The following SYTL5 variants were observed in gnomAD, a reference collection of about 807,000 sequenced individuals.
SYTL5 encodes the protein synaptotagmin like 5.
SYTL5 carries 34 observed loss-of-function variants against 55.9 expected under a neutral mutation model. The ratio of observed to expected loss-of-function variants is 0.61; its 90% CI spans 0.46 to 0.81. SYTL5 has a LOEUF of 0.81. Ranked by LOEUF, SYTL5 falls within the 30% of genes least tolerant of loss-of-function variation. The pLI is 0.00. For synonymous variants in SYTL5, 221 were observed against 188.7 expected (o/e 1.17, Z -1.40); for missense variants, 637 against 546.7 (o/e 1.17, Z -1.65).
the SYTL5 span, among the ~76,000 whole-genome samples, chrX:37,913,694 C>T: frequency 0.22 from 24,801 of 111,412 alleles, 2,337 homozygotes; most frequent in African/African-American, 0.36. Flanking sequence ...TAAATAGTCC[C>T]TCCTCCATCC....
intron 6 of SYTL5, among the ~76,000 whole-genome samples, chrX:38,081,285 T>C (rs1936525595): frequency 9.0e-6 from 1 of 111,579 alleles, no homozygotes. Flanking sequence ...CGCAAAACCA[T>C]GGTGGCCTGA....
the SYTL5 span, among the ~76,000 whole-genome samples, chrX:37,969,746 G>A: frequency 2.7e-5 from 3 of 111,068 alleles, no homozygotes; most frequent in African/African-American, 9.8e-5. Flanking sequence ...GATTCTCCAA[G>A]CCTCAGCCTC....
intron 6 of SYTL5, among the ~76,000 whole-genome samples, chrX:38,087,526 G>T (rs1284513556): frequency 8.9e-6 from 1 of 112,141 alleles, no homozygotes; most frequent in Non-Finnish European, 1.9e-5. Context: ...TGAGTTCATA[G>T]CACTGTAATT....
At chrX:38,021,604 A>G (rs933214535) in intron 1 of SYTL5, among the ~76,000 whole-genome samples, 2 of 111,653 alleles carry the variant, frequency 1.8e-5, no homozygotes, top group African/African-American at 3.3e-5. Flanking sequence ...AATATTTACG[A>G]TTTCTTCCTC....
intron 9 of SYTL5, among the ~76,000 whole-genome samples, chrX:38,098,534 G>C (rs1056159523): frequency 9.0e-6 from 1 of 110,636 alleles, no homozygotes; most frequent in Non-Finnish European, 1.9e-5. Flanking sequence ...TGATTAAAAA[G>C]ACATAATAAT....
At chrX:38,093,949 G>A (rs767283603) in intron 7 of SYTL5, among the ~76,000 whole-genome samples, 1 of 111,223 alleles carries the variant, frequency 9.0e-6, no homozygotes, top group South Asian at 3.9e-4. Context: ...CTGAGAGTGT[G>A]AATCTTGACA....
chrX:38,053,229 C>T (rs770931914), intron 2 of SYTL5, among the ~76,000 whole-genome samples: 1 of 112,428 alleles, frequency 8.9e-6, no homozygotes, highest in Non-Finnish European at 1.9e-5. Flanking sequence ...ACTGCTGGAA[C>T]AAGGACCACA....
intron 1 of SYTL5, among the ~76,000 whole-genome samples, chrX:38,027,346 C>T (rs1213268123): frequency 8.9e-6 from 1 of 112,166 alleles, no homozygotes; most frequent in Non-Finnish European, 1.9e-5. Context: ...TATGGAGTCA[C>T]TAGCCAATTC....
At chrX:38,026,328 G>A (rs989919069) in intron 1 of SYTL5, among the ~76,000 whole-genome samples, 8 of 111,259 alleles carry the variant, frequency 7.2e-5, no homozygotes, top group African/African-American at 2.6e-4. Context: ...TATAGTCATA[G>A]TTCAGTGCTG....
At chrX:37,933,542 G>A in the SYTL5 span, among the ~76,000 whole-genome samples, 1,180 of 112,083 alleles carry the variant, frequency 0.011, 9 homozygotes, top group Middle Eastern at 0.028. Flanking sequence ...TATTTTACCT[G>A]ACTTGGAGCT....
chrX:38,116,764 G>C (rs1937499361), intron 13 of SYTL5, among the ~76,000 whole-genome samples: 1 of 112,072 alleles, frequency 8.9e-6, no homozygotes, highest in Admixed American at 9.5e-5. Flanking sequence ...AAATATGCCT[G>C]GCCTAAAGAG....
the SYTL5 span, among the ~76,000 whole-genome samples, chrX:37,897,975 G>A: frequency 0.059 from 6,551 of 111,216 alleles, 238 homozygotes; most frequent in African/African-American, 0.13. Flanking sequence ...GTGGGTACCC[G>A]TAATCTCAGC....
chrX:38,035,004 A>G (rs931636768), intron 2 of SYTL5, among the ~76,000 whole-genome samples: 11 of 112,070 alleles, frequency 9.8e-5, no homozygotes, highest in African/African-American at 3.6e-4. Flanking sequence ...ATGTGATTAT[A>G]TTCACATGTT....
the SYTL5 span, among the ~76,000 whole-genome samples, chrX:37,903,766 T>C: frequency 8.9e-6 from 1 of 111,752 alleles, no homozygotes; most frequent in Non-Finnish European, 1.9e-5. Flanking sequence ...TCTCCCTTCT[T>C]GTCTTCCTGG....
chrX:38,020,227 C>G (rs1289406151), intron 1 of SYTL5, among the ~76,000 whole-genome samples: 1 of 108,955 alleles, frequency 9.2e-6, no homozygotes, highest in Non-Finnish European at 1.9e-5. Flanking sequence ...ATATTTTTGA[C>G]AGAAATGCCA....
intron 1 of SYTL5, among the ~76,000 whole-genome samples, chrX:38,032,191 C>G (rs914265564): frequency 3.6e-5 from 4 of 111,711 alleles, no homozygotes; most frequent in Admixed American, 9.5e-5. Context: ...GGCAAGCATA[C>G]CAAGTGTAAC....
intron 15 of SYTL5, among the ~76,000 whole-genome samples, chrX:38,122,566 T>G (rs990333087): frequency 3.6e-5 from 4 of 112,390 alleles, no homozygotes; most frequent in African/African-American, 9.7e-5. Context: ...CCTGGCAATA[T>G]GCAACAATCA....
intron 13 of SYTL5, among the ~76,000 whole-genome samples, chrX:38,115,958 C>T (rs1031450650): frequency 1.8e-5 from 2 of 111,773 alleles, no homozygotes; most frequent in African/African-American, 3.3e-5. Flanking sequence ...TCCTATTTGC[C>T]TATTTTTGCT....
Position 38,073,613 on chromosome X carries a change from G to A in SYTL5, c.469G>A (p.Glu157Lys). The change falls in exon 5 of 17, where the codon GAG (glutamate) becomes AAG (lysine). Residue 157 changes from glutamate (E) to lysine (K), a missense_variant. Transcript: ENST00000297875. ...SPGAEEVQSQ[E>K]QTRQDAEKSD... ...AGGAGCTGAAGAAGTACAGAGCCAAGAGCAAACCCGCCAGGATGCAGAAAA... is the reference window on the plus strand; with the variant it reads ...AGGAGCTGAAGAAGTACAGAGCCAAAAGCAAACCCGCCAGGATGCAGAAAA... The A allele has an allele frequency of 8.4e-7, 1 of 1,193,452 alleles. No homozygotes were observed. The highest frequency in any genetic ancestry group is 1.1e-6 in the Non-Finnish European group (1 of 886,200).
Sources: gnomAD v4.1 joint callset for allele counts (sites outside exome capture counted in the v4.1 genomes callset) on GRCh38, gnomAD v4.1.1 for gene constraint, MANE v1.5 for transcripts, NCBI Gene and HGNC (gene_info 2026-07-23, HGNC 2026-07-21) for gene names.